Variants in LEKR1 observed in about 807,000 individuals in gnomAD.
The protein encoded by LEKR1 is protein LEKR1.
LEKR1 carries 59 observed loss-of-function variants against 72.4 expected under a neutral mutation model. That is an observed-to-expected ratio of 0.82 (90% CI 0.66 to 1.01). The LOEUF is 1.01. LEKR1 is among the 50% of genes least tolerant of loss of function. The probability of loss-of-function intolerance (pLI) is 0.00; values close to 1 mark genes in which losing one functional copy is unlikely to be tolerated. For missense variants in LEKR1, 728 were observed against 759.2 expected (o/e 0.96, Z 0.48); for synonymous variants, 257 against 263.2 (o/e 0.98, Z 0.23).
intron 5 of LEKR1, among the ~76,000 whole-genome samples, chr3:156,931,410 A>G (rs1725212041): frequency 6.6e-6 from 1 of 152,148 alleles, no homozygotes. Context: ...GTAAATTGCT[A>G]CAGCCACTTA....
chr3:156,830,668 T>C (rs888623571), intron 2 of LEKR1, among the ~76,000 whole-genome samples: 2 of 152,120 alleles, frequency 1.3e-5, no homozygotes, highest in African/African-American at 2.4e-5. Context: ...TAGACTCTAA[T>C]ATGATTCAAG....
intron 3 of LEKR1, among the ~76,000 whole-genome samples, chr3:156,863,432 G>A (rs1043742552): frequency 2.6e-5 from 4 of 151,882 alleles, no homozygotes; most frequent in Admixed American, 2.0e-4. Context: ...TTACCATAAC[G>A]CCTGAACAAA....
At chr3:156,967,375 GA>G (rs1016740989) in intron 6 of LEKR1, among the ~76,000 whole-genome samples, 3 of 151,898 alleles carry the variant, frequency 2.0e-5, no homozygotes, top group African/African-American at 7.3e-5. Context: ...TAAAAACCTT[GA>G]AAAAAAATTA....
At chr3:157,037,187 A>G (rs995773653) in intron 12 of LEKR1, among the ~76,000 whole-genome samples, 2 of 152,178 alleles carry the variant, frequency 1.3e-5, no homozygotes, top group Non-Finnish European at 2.9e-5. Context: ...TAATGATGTT[A>G]TTTTGAAGTA....
chr3:156,844,881 T>C (rs1027310625), intron 2 of LEKR1, among the ~76,000 whole-genome samples: 2 of 150,790 alleles, frequency 1.3e-5, no homozygotes, highest in Admixed American at 1.3e-4. Flanking sequence ...AAGAGTTCAA[T>C]TGCTATGTTA....
At chr3:157,037,343 T>A (rs1434466517) in intron 12 of LEKR1, among the ~76,000 whole-genome samples, 6 of 152,200 alleles carry the variant, frequency 3.9e-5, no homozygotes, top group Admixed American at 2.6e-4. Flanking sequence ...CCATTAATTT[T>A]AAAAAATTAA....
At chr3:156,901,434 G>A (rs1352585787) in intron 3 of LEKR1, among the ~76,000 whole-genome samples, 5 of 152,088 alleles carry the variant, frequency 3.3e-5, no homozygotes, top group Non-Finnish European at 4.4e-5. Flanking sequence ...TTGAGAACAG[G>A]TGCCATTCCT....
At chr3:156,970,008 C>T (rs1374722282) in intron 6 of LEKR1, among the ~76,000 whole-genome samples, 2 of 152,094 alleles carry the variant, frequency 1.3e-5, no homozygotes, top group South Asian at 4.1e-4. Context: ...ATAAACAGAA[C>T]CAATGACAAA....
chr3:156,835,342 G>A (rs1242289659), intron 2 of LEKR1, among the ~76,000 whole-genome samples: 1 of 152,180 alleles, frequency 6.6e-6, no homozygotes, highest in Non-Finnish European at 1.5e-5. Flanking sequence ...TTGGATTTGT[G>A]GCTTCAGGGT....
chr3:157,038,572 G>T (rs1462876531), intron 12 of LEKR1, among the ~76,000 whole-genome samples: 1 of 152,122 alleles, frequency 6.6e-6, no homozygotes, highest in Non-Finnish European at 1.5e-5. Context: ...AACTTTTAGA[G>T]CCTGGGAAGA....
intron 9 of LEKR1, among the ~76,000 whole-genome samples, chr3:157,005,983 T>A (rs1048304659): frequency 1.3e-5 from 2 of 151,452 alleles, no homozygotes; most frequent in East Asian, 3.9e-4. Context: ...AAAACCACAA[T>A]AAGATACTAC....
chr3:156,875,992 C>CAAAAAA (rs55816001), intron 3 of LEKR1, among the ~76,000 whole-genome samples: 51 of 70,156 alleles, frequency 7.3e-4, no homozygotes, highest in Non-Finnish European at 9.5e-4. Flanking sequence ...GACTCCATCT[C>CAAAAAA]AAAAAAAAAA....
At chr3:156,898,091 G>C (rs925860024) in intron 3 of LEKR1, among the ~76,000 whole-genome samples, 2 of 152,030 alleles carry the variant, frequency 1.3e-5, no homozygotes, top group Admixed American at 1.3e-4. Context: ...ATCTCTTTAG[G>C]ATTAGGAAGA....
chr3:156,995,203 A>G (rs774505077), intron 9 of LEKR1, among the ~76,000 whole-genome samples: 4 of 152,172 alleles, frequency 2.6e-5, no homozygotes, highest in Non-Finnish European at 5.9e-5. Context: ...TGCTTTGAGG[A>G]TTAGTAACCT....
At chr3:156,977,781 C>A in intron 6 of LEKR1, 1 of 226,286 alleles carries the variant, frequency 4.4e-6, no homozygotes, top group South Asian at 7.9e-5. Context: ...AGCTTCTGTT[C>A]TGACCATCTT....
intron 6 of LEKR1, among the ~76,000 whole-genome samples, chr3:156,974,905 C>G (rs1386672318): frequency 6.6e-6 from 1 of 152,012 alleles, no homozygotes; most frequent in Non-Finnish European, 1.5e-5. Flanking sequence ...CTGGTGACAC[C>G]AGGTCCAAGT....
At position 157,037,572 on chromosome 3, in the gene LEKR1, T is replaced by C. The variant is rs188037648; in HGVS notation, c.1669-7768T>C. On this transcript the variant is annotated intron_variant, in intron 12 of 12. Transcript: ENST00000356539. ...TAGCTTAAACTTAGTAACAGGTGCC[T>C]AGTACACTTCTGTTTATTCCCCAAG... 2.6e-5 allele frequency among the ~76,000 whole-genome samples: 4 copies of C among 152,264 alleles called. No individual in the cohort carries two copies. In the South Asian group the frequency reaches 6.2e-4, roughly 24 times the overall value.
At chr3:156,829,498 G>A (rs541513625) in intron 2 of LEKR1, 121 bp downstream of exon 2, 1 of 578,002 alleles carries the variant, frequency 1.7e-6, no homozygotes, top group Non-Finnish European at 3.0e-6. Flanking sequence ...TTGGTGGAGT[G>A]GGAGAGGGAA....
At chr3:156,871,859 C>T (rs960738389) in intron 3 of LEKR1, among the ~76,000 whole-genome samples, 20 of 151,946 alleles carry the variant, frequency 1.3e-4, no homozygotes, top group African/African-American at 3.6e-4. Context: ...AGAATTTTTG[C>T]ATTTATGTTC....
Sources: allele counts gnomAD v4.1 joint callset (sites outside exome capture counted in the v4.1 genomes callset), GRCh38; gene constraint gnomAD v4.1.1; transcripts MANE v1.5; gene names NCBI Gene and HGNC (gene_info 2026-07-23, HGNC 2026-07-21).